Variants in SPAG16 observed in about 807,000 individuals in gnomAD.
SPAG16 encodes the protein sperm associated antigen 16.
SPAG16 carries 86 observed loss-of-function variants against 80.4 expected under a neutral mutation model. The observed-to-expected ratio is 1.07, with a 90% CI of 0.90 to 1.28. The LOEUF (loss-of-function observed/expected upper bound fraction) is 1.28. Ranked by LOEUF, SPAG16 falls within the 50% of genes most tolerant of loss-of-function variation. The pLI, the probability that SPAG16 is intolerant of heterozygous loss-of-function variation, is 0.00. For missense variants in SPAG16, 870 were observed against 765.3 expected (o/e 1.14, Z -1.61); for synonymous variants, 294 against 265.9 (o/e 1.11, Z -1.03).
At chr2:213,473,258 A>G (rs1387617812) in intron 9 of SPAG16, among the ~76,000 whole-genome samples, 1 of 152,106 alleles carries the variant, frequency 6.6e-6, no homozygotes, top group Non-Finnish European at 1.5e-5. Context: ...TACGGTACCT[A>G]TGCTCACCTT....
chr2:213,500,641 C>T (rs548426027), intron 10 of SPAG16, among the ~76,000 whole-genome samples: 1 of 152,200 alleles, frequency 6.6e-6, no homozygotes, highest in African/African-American at 2.4e-5. Context: ...CCTAGAGATC[C>T]AATTATTGAC....
intron 15 of SPAG16, among the ~76,000 whole-genome samples, chr2:214,160,301 T>A (rs1230829354): frequency 6.6e-6 from 1 of 151,964 alleles, no homozygotes; most frequent in African/African-American, 2.4e-5. Context: ...TTTTGTTTTA[T>A]CCTTTATGCC....
intron 10 of SPAG16, among the ~76,000 whole-genome samples, chr2:213,547,964 A>T (rs1311840114): frequency 1.3e-5 from 2 of 152,300 alleles, no homozygotes; most frequent in African/African-American, 2.4e-5. Context: ...GATTCATTTA[A>T]TCTGTTTCCA....
intron 1 of SPAG16, among the ~76,000 whole-genome samples, chr2:213,288,206 C>T (rs1225347641): frequency 6.6e-6 from 1 of 152,242 alleles, no homozygotes; most frequent in Non-Finnish European, 1.5e-5. Flanking sequence ...ACATGAGCCA[C>T]TGTACCAGGC....
intron 13 of SPAG16, among the ~76,000 whole-genome samples, chr2:214,018,215 G>A (rs1049727834): frequency 5.3e-5 from 8 of 151,912 alleles, no homozygotes; most frequent in Admixed American, 5.3e-4. Context: ...ATTGCATTAG[G>A]CAACTGTGGC....
intron 7 of SPAG16, among the ~76,000 whole-genome samples, chr2:213,356,048 A>G (rs181581616): frequency 6.6e-6 from 1 of 152,208 alleles, no homozygotes; most frequent in South Asian, 2.1e-4. Flanking sequence ...TTTTCGATCA[A>G]TACCTAGTTT....
Position 213,330,772 on chromosome 2 carries a change from G to A in SPAG16, c.537-9391G>A, listed in dbSNP as rs186458976. Among the ~76,000 whole-genome samples the A allele has an allele frequency of 2.8e-4, 43 of 152,266 alleles. 1 individual carries two copies. In the Middle Eastern group the frequency reaches 0.017, roughly 60 times the overall value. On this transcript the variant is annotated intron_variant, in intron 5 of 15. Transcript: ENST00000331683. Reference sequence around the variant, plus strand: ...GGTTGGCCCACCCAAATCTCATCTTGAATTCCCATGTGTTGTGGGAGGGAC... The same window carrying A: ...GGTTGGCCCACCCAAATCTCATCTTAAATTCCCATGTGTTGTGGGAGGGAC...
chr2:213,408,101 AAAAAAC>A (rs1474786048), intron 9 of SPAG16, among the ~76,000 whole-genome samples: 1 of 145,780 alleles, frequency 6.9e-6, no homozygotes, highest in East Asian at 1.9e-4. Flanking sequence ...AGAAGTAGTA[AAAAAAC>A]AAAAACAAAG....
At chr2:213,710,647 T>A (rs748201575) in intron 10 of SPAG16, among the ~76,000 whole-genome samples, 26 of 152,212 alleles carry the variant, frequency 1.7e-4, no homozygotes, top group Non-Finnish European at 1.5e-4. Flanking sequence ...AACATGGCTT[T>A]TCCCCCAATG....
At chr2:213,377,901 ATATTTTTTTTT>A (rs1236412801) in intron 9 of SPAG16, among the ~76,000 whole-genome samples, 7,669 of 24,756 alleles carry the variant, frequency 0.31, 682 homozygotes, top group African/African-American at 0.5. Flanking sequence ...ATATATATAT[ATATTTTTTTTT>A]TTTTTTCTTT....
intron 12 of SPAG16, among the ~76,000 whole-genome samples, chr2:214,011,965 CTT>C (rs2047301697): frequency 6.6e-6 from 1 of 151,924 alleles, no homozygotes; most frequent in African/African-American, 2.4e-5. Flanking sequence ...ACATTTCTAA[CTT>C]TGATCTCAGA....
chr2:213,401,187 C>G (rs1274212568), intron 9 of SPAG16, among the ~76,000 whole-genome samples: 1 of 152,218 alleles, frequency 6.6e-6, no homozygotes, highest in African/African-American at 2.4e-5. Flanking sequence ...AAACCTGACT[C>G]TACAGAAGCT....
At chr2:214,354,834 T>G (rs1460247088) in intron 15 of SPAG16, among the ~76,000 whole-genome samples, 1 of 152,162 alleles carries the variant, frequency 6.6e-6, no homozygotes, top group East Asian at 1.9e-4. Flanking sequence ...GCTTGTGATT[T>G]TTGTACATTG....
intron 10 of SPAG16, among the ~76,000 whole-genome samples, chr2:213,527,602 C>A (rs896189998): frequency 6.6e-6 from 1 of 152,100 alleles, no homozygotes; most frequent in African/African-American, 2.4e-5. Context: ...GCACAAAATT[C>A]TGATCAAATA....
intron 13 of SPAG16, among the ~76,000 whole-genome samples, chr2:214,032,825 A>G (rs552614364): frequency 1.2e-4 from 19 of 152,358 alleles, no homozygotes; most frequent in African/African-American, 4.3e-4. Context: ...TGCAAAGACT[A>G]TGGATGAGCA....
At chr2:213,396,823 G>A (rs1427348303) in intron 9 of SPAG16, 2 of 248,536 alleles carry the variant, frequency 8.0e-6, no homozygotes, top group Non-Finnish European at 1.7e-5. Flanking sequence ...GTTCTTTACA[G>A]TCTTCATAAA....
intron 15 of SPAG16, among the ~76,000 whole-genome samples, chr2:214,345,448 CT>C (rs1166036669): frequency 2.6e-5 from 4 of 152,220 alleles, no homozygotes; most frequent in South Asian, 2.1e-4. Context: ...TTAACTCAGA[CT>C]TTTTTTAATT....
chr2:213,474,707 C>T (rs750292918), intron 9 of SPAG16, among the ~76,000 whole-genome samples: 2 of 152,114 alleles, frequency 1.3e-5, no homozygotes, highest in African/African-American at 2.4e-5. Context: ...AGAACTCTAT[C>T]CTTAATATTC....
intron 10 of SPAG16, among the ~76,000 whole-genome samples, chr2:213,624,624 C>T (rs908792545): frequency 8.5e-5 from 13 of 152,138 alleles, no homozygotes; most frequent in East Asian, 1.9e-4. Context: ...TACAGAGCTG[C>T]GGTTTGAACC....
Sources: gnomAD v4.1 joint callset for allele counts (sites outside exome capture counted in the v4.1 genomes callset) on GRCh38, gnomAD v4.1.1 for gene constraint, MANE v1.5 for transcripts, NCBI Gene and HGNC (gene_info 2026-07-23, HGNC 2026-07-21) for gene names.